FAM20A: variants seen among roughly 807,000 people sequenced by gnomAD.
The protein encoded by FAM20A is pseudokinase FAM20A.
Under a neutral mutation model 52.0 loss-of-function variants are expected in FAM20A, and 42 were observed. The observed-to-expected ratio is 0.81, with a 90% CI of 0.63 to 1.04. FAM20A has a LOEUF of 1.04. Ranked by LOEUF, FAM20A falls within the 50% of genes least tolerant of loss-of-function variation. The pLI, the probability that FAM20A is intolerant of heterozygous loss-of-function variation, is 0.00. For synonymous variants in FAM20A, 304 were observed against 298.9 expected (o/e 1.02, Z -0.18); for missense variants, 742 against 712.7 (o/e 1.04, Z -0.47).
Position 68,539,233 on chromosome 17 carries a change from G to A in FAM20A, c.1361+104C>T, listed in dbSNP as rs193135974. The A allele has an allele frequency of 1.2e-4, 129 of 1,073,798 alleles. 1 individual carries two copies. In the East Asian group the frequency reaches 2.7e-3, roughly 23 times the overall value. 66.5% of individuals were successfully genotyped at this position (1,073,798 alleles called of 1,614,324 possible). A position where few individuals can be genotyped will look rare whatever the true frequency, so the allele number is the denominator to read the frequency against. ...GATTCATGTCATTCTACCCACTTACGTCCTGGACCAGTGAAAACTGGAAGC... is the reference window on the plus strand; with the variant it reads ...GATTCATGTCATTCTACCCACTTACATCCTGGACCAGTGAAAACTGGAAGC... On this transcript the variant is annotated intron_variant, in intron 10 of 10. Coordinates refer to ENST00000592554, the MANE Select transcript of FAM20A (RefSeq NM_017565.4).
intron 1 of FAM20A, among the ~76,000 whole-genome samples, chr17:68,568,545 C>T (rs1033214967): frequency 4.0e-5 from 6 of 151,440 alleles, no homozygotes; most frequent in Non-Finnish European, 8.8e-5. Flanking sequence ...CTTCAGGAGG[C>T]CAGAAGTGCA....
chr17:68,540,823 C>T (rs1271951433), intron 8 of FAM20A, 26 bp downstream of exon 8: 4 of 1,574,494 alleles, frequency 2.5e-6, no homozygotes, highest in Non-Finnish European at 3.5e-6. Flanking sequence ...CCCACTTCTG[C>T]TGGGGGCCTG....
intron 1 of FAM20A, among the ~76,000 whole-genome samples, chr17:68,568,871 G>A (rs747162502): frequency 6.6e-6 from 1 of 150,654 alleles, no homozygotes; most frequent in Non-Finnish European, 1.5e-5. Flanking sequence ...ACATTCAAAG[G>A]TTCCAGGGAT....
At chr17:68,571,148 C>T (rs187511354) in intron 1 of FAM20A, among the ~76,000 whole-genome samples, 61 of 152,216 alleles carry the variant, frequency 4.0e-4, no homozygotes, top group Non-Finnish European at 3.8e-4. Flanking sequence ...AAAATCTCTT[C>T]GTTGGAAACT....
At chr17:68,554,962 G>A (rs1222509216) in intron 2 of FAM20A, 135 bp from the exon 3 acceptor site, 7 of 861,776 alleles carry the variant, frequency 8.1e-6, no homozygotes, top group African/African-American at 3.3e-5. Context: ...TGACCACTCC[G>A]TGGGAGGTCT....
chr17:68,569,655 T>G (rs1371113336), intron 1 of FAM20A, among the ~76,000 whole-genome samples: 1 of 152,220 alleles, frequency 6.6e-6, no homozygotes, highest in Non-Finnish European at 1.5e-5. Context: ...TGGCTACCCT[T>G]TTGCACAGCA....
chr17:68,564,756 C>T (rs1469129122), intron 1 of FAM20A, among the ~76,000 whole-genome samples: 2 of 152,140 alleles, frequency 1.3e-5, no homozygotes, highest in Non-Finnish European at 2.9e-5. Flanking sequence ...CTTCGGTGGC[C>T]TAAACGGGAG....
At chr17:68,580,270 T>TG (rs1488306170) in intron 1 of FAM20A, among the ~76,000 whole-genome samples, 3 of 152,226 alleles carry the variant, frequency 2.0e-5, no homozygotes, top group South Asian at 4.1e-4. Flanking sequence ...TGGTGGTGGG[T>TG]GGGGGGAGAC....
intron 4 of FAM20A, among the ~76,000 whole-genome samples, chr17:68,545,928 G>A (rs1273280977): frequency 2.6e-5 from 4 of 152,162 alleles, no homozygotes; most frequent in Non-Finnish European, 5.9e-5. Context: ...CAAGCACTTT[G>A]GGAGGCTGAG....
At chr17:68,546,829 CAA>C (rs35112614) in intron 4 of FAM20A, among the ~76,000 whole-genome samples, 53 of 83,980 alleles carry the variant, frequency 6.3e-4, no homozygotes, top group East Asian at 2.8e-3. Flanking sequence ...GACTACGGCT[CAA>C]AAAAAAAAAA....
intron 1 of FAM20A, among the ~76,000 whole-genome samples, chr17:68,580,949 C>T (rs2143850614): frequency 6.6e-6 from 1 of 152,234 alleles, no homozygotes; most frequent in Admixed American, 6.5e-5. Context: ...GCGATGACAC[C>T]CGAGTATGAC....
intron 1 of FAM20A, among the ~76,000 whole-genome samples, chr17:68,570,104 C>A (rs944588476): frequency 6.6e-6 from 1 of 152,128 alleles, no homozygotes; most frequent in Non-Finnish European, 1.5e-5. Flanking sequence ...GAGACTGAGT[C>A]TTGCTTTGTC....
chr17:68,546,542 A>G (rs2086574066), intron 4 of FAM20A, among the ~76,000 whole-genome samples: 1 of 152,154 alleles, frequency 6.6e-6, no homozygotes, highest in East Asian at 1.9e-4. Context: ...CTTAAATTGT[A>G]AGACTTGGCT....
rs2088580763 is a variant in FAM20A at position 68,600,318 on chromosome 17, G to A, written c.349C>T (p.Leu117=). The change falls in exon 1 of 11, where the codon CTG becomes TTG. Residue 117 remains leucine, a synonymous_variant. Coordinates refer to ENST00000592554, the MANE Select transcript of FAM20A (RefSeq NM_017565.4). This position sits in a 1 kb window ranked among gnomAD's most constrained non-coding sequence, Gnocchi z 6.2. Reference sequence around the variant, plus strand: ...TACCGCAGCGCCTCCTGGCTGGCCAGGAGCGAGTCCTCGGCTCCCAGGAGA... The same window carrying A: ...TACCGCAGCGCCTCCTGGCTGGCCAAGAGCGAGTCCTCGGCTCCCAGGAGA... The part of the protein sequence containing the change: ...PPLLGAEDSL[L]ASQEALRYYR... 8.2e-6 allele frequency: 13 copies of A among 1,590,366 alleles called. No individual in the cohort carries two copies. The East Asian group carries it at 2.8e-4, about 34-fold the overall frequency.
chr17:68,538,161 T>G (rs1020624738), intron 10 of FAM20A, among the ~76,000 whole-genome samples: 1 of 152,262 alleles, frequency 6.6e-6, no homozygotes, highest in African/African-American at 2.4e-5. Context: ...TTAAGTTGTT[T>G]CTTGCTAACT....
rs775899911 is a variant in FAM20A, at chr17:68,542,666, C to T, written c.928+28G>A. On this transcript the variant is annotated intron_variant, in intron 6 of 10. Transcript: ENST00000592554. ...CTCTGGCTTACGATCTACTCAGACC[C>T]GGAATATCACTCGGGCCAGTACTCT... 55 of 1,565,428 alleles carry T rather than the reference C, an allele frequency of 3.5e-5. No individual in the cohort carries two copies. In the Middle Eastern group the frequency reaches 1.0e-3, roughly 29 times the overall value.
chr17:68,596,961 AATCAACAC>A (rs1402169469), intron 1 of FAM20A, among the ~76,000 whole-genome samples: 2 of 152,192 alleles, frequency 1.3e-5, no homozygotes, highest in African/African-American at 4.8e-5. Flanking sequence ...CCACCTTAAA[AATCAACAC>A]ATCTTCCCAT....
At chr17:68,563,575 C>CT (rs545885970) in intron 1 of FAM20A, among the ~76,000 whole-genome samples, 1,648 of 147,918 alleles carry the variant, frequency 0.011, 13 homozygotes, top group Middle Eastern at 0.038. Flanking sequence ...TTTTTAGGGG[C>CT]TTTTTTTTTT....
chr17:68,598,105 G>A (rs2088507149), intron 1 of FAM20A: 1 of 149,846 alleles, frequency 6.7e-6, no homozygotes, highest in African/African-American at 2.5e-5. Context: ...CTGGGCTCAA[G>A]CAATCCTTCT....
Sources: allele counts gnomAD v4.1 joint callset (sites outside exome capture counted in the v4.1 genomes callset), GRCh38; gene constraint gnomAD v4.1.1; non-coding constraint Gnocchi (gnomAD v3.1); transcripts MANE v1.5; gene names NCBI Gene and HGNC (gene_info 2026-07-23, HGNC 2026-07-21).